The following LINGO2 variants were observed in gnomAD, a reference collection of about 807,000 sequenced individuals.
LINGO2 encodes the protein leucine rich repeat and Ig domain containing 2, also known as leucine-rich repeat and immunoglobulin-like domain-containing nogo receptor-interacting protein 2.
Under a neutral mutation model 30.6 loss-of-function variants are expected in LINGO2, and 14 were observed. That is an observed-to-expected ratio of 0.46 (90% CI 0.30 to 0.72). The LOEUF is 0.72. LINGO2 is among the 30% of genes least tolerant of loss of function. LINGO2 has a pLI of 0.07. For synonymous variants in LINGO2, 317 were observed against 288.5 expected (o/e 1.10, Z -1.00); for missense variants, 729 against 751.7 (o/e 0.97, Z 0.35).
chr9:28,721,261 A>G, the LINGO2 span, among the ~76,000 whole-genome samples: 24 of 152,260 alleles, frequency 1.6e-4, no homozygotes, highest in African/African-American at 5.5e-4. Context: ...CAATTCCTCA[A>G]GGATCTAGAA....
the LINGO2 span, among the ~76,000 whole-genome samples, chr9:28,960,537 G>C: frequency 4.7e-3 from 698 of 149,766 alleles, 5 homozygotes; most frequent in African/African-American, 0.016. Context: ...TCTGTGTGTT[G>C]TGTGTTATAG....
At chr9:29,047,051 A>AACAAAAAAAAAAAAC in the LINGO2 span, among the ~76,000 whole-genome samples, 74 of 106,978 alleles carry the variant, frequency 6.9e-4, 7 homozygotes, top group African/African-American at 2.5e-3. Flanking sequence ...AAAAAAAAAA[A>AACAAAAAAAAAAAAC]CCAAAAACAA....
At chr9:27,951,630 A>G (rs546407678) in intron 5 of LINGO2, among the ~76,000 whole-genome samples, 6 of 152,300 alleles carry the variant, frequency 3.9e-5, no homozygotes, top group African/African-American at 1.4e-4. Flanking sequence ...TGGATAGTTT[A>G]GCAGATACTG....
the LINGO2 span, among the ~76,000 whole-genome samples, chr9:28,748,080 G>A: frequency 2.6e-4 from 40 of 152,058 alleles, no homozygotes; most frequent in Middle Eastern, 3.4e-3. Context: ...ATGGTGACAG[G>A]GTTCTTATTG....
chr9:28,657,387 A>AT (rs1828396414), intron 1 of LINGO2, among the ~76,000 whole-genome samples: 2 of 151,646 alleles, frequency 1.3e-5, no homozygotes, highest in Admixed American at 1.3e-4. Context: ...GGGCTTTTTT[A>AT]TTTTTTTCCT....
the LINGO2 span, among the ~76,000 whole-genome samples, chr9:29,209,237 T>C: frequency 1.3e-5 from 2 of 152,086 alleles, no homozygotes; most frequent in Non-Finnish European, 2.9e-5. Context: ...TTTTACACTT[T>C]CCAGAAACGA....
At chr9:28,708,894 TA>T in the LINGO2 span, among the ~76,000 whole-genome samples, 1 of 152,144 alleles carries the variant, frequency 6.6e-6, no homozygotes, top group Non-Finnish European at 1.5e-5. Flanking sequence ...ACCTGATCTA[TA>T]ATAGATTATT....
At chr9:29,173,301 T>C in the LINGO2 span, among the ~76,000 whole-genome samples, 1 of 151,866 alleles carries the variant, frequency 6.6e-6, no homozygotes, top group African/African-American at 2.4e-5. Flanking sequence ...TATGTTAGAG[T>C]TTCTCCAACC....
At chr9:28,018,726 G>A (rs529525857) in intron 4 of LINGO2, among the ~76,000 whole-genome samples, 29 of 152,122 alleles carry the variant, frequency 1.9e-4, no homozygotes, top group Admixed American at 1.7e-3. Context: ...AGAAAAGGGG[G>A]CACTTATACA....
At chr9:29,172,487 C>T in the LINGO2 span, among the ~76,000 whole-genome samples, 21 of 152,028 alleles carry the variant, frequency 1.4e-4, no homozygotes, top group African/African-American at 4.8e-4. Flanking sequence ...TCAGAAAGCA[C>T]TGTCTTAACA....
chr9:28,675,820 G>A, the LINGO2 span, among the ~76,000 whole-genome samples: 3 of 149,098 alleles, frequency 2.0e-5, no homozygotes, highest in African/African-American at 4.9e-5. Context: ...GCAGTGAGCC[G>A]AGATCATGCC....
At chr9:29,158,341 G>A in the LINGO2 span, among the ~76,000 whole-genome samples, 16 of 152,192 alleles carry the variant, frequency 1.1e-4, no homozygotes, top group East Asian at 3.1e-3. Context: ...GGGTGACAGA[G>A]CAAGACCCTG....
intron 1 of LINGO2, among the ~76,000 whole-genome samples, chr9:28,564,547 C>T (rs1355307992): frequency 2.0e-5 from 3 of 152,062 alleles, no homozygotes; most frequent in African/African-American, 4.8e-5. Flanking sequence ...ACTAAGAGCA[C>T]TGTTGTAGTT....
At chr9:28,015,680 A>G (rs192509701) in intron 4 of LINGO2, among the ~76,000 whole-genome samples, 4 of 152,256 alleles carry the variant, frequency 2.6e-5, no homozygotes, top group African/African-American at 9.6e-5. Context: ...TGTTTTTAAT[A>G]AAAAGTTAGA....
intron 1 of LINGO2, among the ~76,000 whole-genome samples, chr9:28,617,262 C>G (rs1401309683): frequency 6.6e-6 from 1 of 151,814 alleles, no homozygotes; most frequent in Admixed American, 6.6e-5. Context: ...CTCCTCTTTC[C>G]GGCTAGTTTA....
intron 4 of LINGO2, among the ~76,000 whole-genome samples, chr9:28,216,652 T>C (rs1820778316): frequency 6.6e-6 from 1 of 151,940 alleles, no homozygotes; most frequent in Non-Finnish European, 1.5e-5. Context: ...TATTCATTTT[T>C]TGAGAATTTA....
At chr9:28,552,696 G>A (rs1194512196) in intron 1 of LINGO2, among the ~76,000 whole-genome samples, 1 of 147,636 alleles carries the variant, frequency 6.8e-6, no homozygotes, top group Admixed American at 6.7e-5. Flanking sequence ...CTCCTTCCGG[G>A]ATTTCTATGT....
intron 3 of LINGO2, among the ~76,000 whole-genome samples, chr9:28,296,933 A>G (rs914076664): frequency 6.6e-6 from 1 of 152,098 alleles, no homozygotes; most frequent in Non-Finnish European, 1.5e-5. Flanking sequence ...TTCTTTGAAG[A>G]TCTTCTGGAA....
the LINGO2 span, among the ~76,000 whole-genome samples, chr9:28,820,892 C>T: frequency 6.6e-6 from 1 of 152,112 alleles, no homozygotes; most frequent in Non-Finnish European, 1.5e-5. Flanking sequence ...GAGGGGCACC[C>T]CATACCCACA....
Sources: allele counts gnomAD v4.1 joint callset (sites outside exome capture counted in the v4.1 genomes callset), GRCh38; gene constraint gnomAD v4.1.1; transcripts MANE v1.5; gene names NCBI Gene and HGNC (gene_info 2026-07-23, HGNC 2026-07-21).